CCDC192: variants seen among roughly 807,000 people sequenced by gnomAD.
CCDC192 encodes coiled-coil domain-containing protein 192.
At chr5:127,800,262 C>T (rs1580679827) in intron 5 of CCDC192, among the ~76,000 whole-genome samples, 1 of 149,916 alleles carries the variant, frequency 6.7e-6, no homozygotes. Context: ...TCTCCCACAG[C>T]AAGTTCCTTC....
chr5:127,719,290 A>G (rs1394856818), intron 2 of CCDC192, among the ~76,000 whole-genome samples: 3 of 151,622 alleles, frequency 2.0e-5, no homozygotes, highest in African/African-American at 4.8e-5. Context: ...TTCTTTTTCT[A>G]TTCATCCGTT....
chr5:127,807,530 T>A (rs947745406), intron 5 of CCDC192, among the ~76,000 whole-genome samples: 3 of 152,182 alleles, frequency 2.0e-5, no homozygotes, highest in African/African-American at 7.2e-5. Flanking sequence ...GCCTTCTGAG[T>A]ACTAGATTGT....
intron 5 of CCDC192, among the ~76,000 whole-genome samples, chr5:127,850,685 G>A (rs886520922): frequency 1.3e-4 from 20 of 152,206 alleles, no homozygotes. Context: ...GCAGCAGAGG[G>A]CCAGGTGCGG....
At chr5:127,793,328 G>C (rs1195577898) in intron 3 of CCDC192, among the ~76,000 whole-genome samples, 1 of 152,090 alleles carries the variant, frequency 6.6e-6, no homozygotes, top group Non-Finnish European at 1.5e-5. Flanking sequence ...CAAAAGGAGA[G>C]GAAATAAGGG....
intron 2 of CCDC192, among the ~76,000 whole-genome samples, chr5:127,712,088 C>T (rs114562386): frequency 0.01 from 1,546 of 152,146 alleles, 29 homozygotes; most frequent in African/African-American, 0.036. Flanking sequence ...TTTTTATAAA[C>T]GGAGACATAC....
chr5:127,858,864 G>A (rs1047852978), intron 5 of CCDC192, among the ~76,000 whole-genome samples: 5 of 152,126 alleles, frequency 3.3e-5, no homozygotes, highest in African/African-American at 1.2e-4. Flanking sequence ...CATAAGGCAA[G>A]AAAAACAGTA....
intron 6 of CCDC192, among the ~76,000 whole-genome samples, chr5:127,910,367 A>C (rs1232038201): frequency 6.6e-6 from 1 of 152,358 alleles, no homozygotes; most frequent in African/African-American, 2.4e-5. Context: ...TGGCTTCTTA[A>C]GTAAATTAAC....
At chr5:127,843,127 T>G (rs2127067715) in intron 5 of CCDC192, among the ~76,000 whole-genome samples, 1 of 138,416 alleles carries the variant, frequency 7.2e-6, no homozygotes, top group African/African-American at 2.7e-5. Context: ...CTCTGCCTCC[T>G]GGATTCTCAC....
chr5:127,875,087 G>A (rs1752019444), intron 5 of CCDC192, among the ~76,000 whole-genome samples: 1 of 152,076 alleles, frequency 6.6e-6, no homozygotes, highest in African/African-American at 2.4e-5. Context: ...TCACACTTTA[G>A]AGTGTATTTG....
At position 127,886,981 on chromosome 5, in the gene CCDC192, AG is replaced by A. The variant is rs376741273; in HGVS notation, c.535+11324del. Among the ~76,000 whole-genome samples, 167 of 152,328 alleles carry A rather than the reference AG, an allele frequency of 1.1e-3. 1 individual carries two copies. The highest frequency in any genetic ancestry group is 3.8e-3 in the African/African-American group (158 of 41,574). ...GAACAAGTACTTACAAGACAGATCAAGGGGATAAAACTTAGCTCTATAGAAT... is the reference window on the plus strand; with the variant it reads ...GAACAAGTACTTACAAGACAGATCAAGGGATAAAACTTAGCTCTATAGAAT... On this transcript the variant is annotated intron_variant, in intron 6 of 6. Coordinates refer to ENST00000514853, the MANE Select transcript of CCDC192 (RefSeq NM_001317938.2).
chr5:127,763,884 G>T (rs1277299409), intron 3 of CCDC192, among the ~76,000 whole-genome samples: 1 of 152,044 alleles, frequency 6.6e-6, no homozygotes, highest in African/African-American at 2.4e-5. Flanking sequence ...AACCCCAAGA[G>T]ACTTCTTTTC....
chr5:127,830,825 T>TA (rs1749760687), intron 5 of CCDC192, among the ~76,000 whole-genome samples: 1 of 151,182 alleles, frequency 6.6e-6, no homozygotes, highest in Non-Finnish European at 1.5e-5. Flanking sequence ...ACAAATGAAC[T>TA]AAAAAACGAA....
At chr5:127,935,685 T>G (rs911998212) in intron 6 of CCDC192, 114 of 152,264 alleles carry the variant, frequency 7.5e-4, no homozygotes, top group African/African-American at 2.7e-3. Flanking sequence ...CTGTCAGGTC[T>G]CTCTGTGACA....
intron 3 of CCDC192, among the ~76,000 whole-genome samples, chr5:127,771,384 C>CA (rs1755543730): frequency 6.6e-6 from 1 of 152,034 alleles, no homozygotes; most frequent in Admixed American, 6.6e-5. Context: ...AGTTCAATTA[C>CA]AAAAAATGAC....
At chr5:127,820,987 A>G (rs1425452216) in intron 5 of CCDC192, among the ~76,000 whole-genome samples, 1 of 152,108 alleles carries the variant, frequency 6.6e-6, no homozygotes, top group African/African-American at 2.4e-5. Context: ...CTTTTCAAAC[A>G]TCATTTTTTC....
chr5:127,703,393 T>G lies in CCDC192; in HGVS notation c.-53T>G. The G allele has an allele frequency of 2.5e-6, 1 of 398,976 alleles. No homozygotes were observed. The highest frequency in any genetic ancestry group is 4.4e-6 in the Non-Finnish European group (1 of 226,044). 24.7% of individuals were successfully genotyped at this position (398,976 alleles called of 1,614,324 possible). On this transcript the variant is annotated 5_prime_UTR_variant, in exon 1 of 7. The change abolishes an upstream ATG in the 5' untranslated region. Transcript: ENST00000514853. ...GGGATTCTAAAACTCTAAAGAATGA[T>G]GCCTGTTGACGTCTGTCCCAGGGAC...
chr5:127,709,251 T>C (rs1431250805), intron 2 of CCDC192, among the ~76,000 whole-genome samples: 1 of 108,378 alleles, frequency 9.2e-6, no homozygotes, highest in Non-Finnish European at 1.9e-5. Context: ...GAGAGAGAAA[T>C]GCTACACACT....
At chr5:127,850,981 CAACA>C (rs370271263) in intron 5 of CCDC192, among the ~76,000 whole-genome samples, 421 of 152,150 alleles carry the variant, frequency 2.8e-3, no homozygotes, top group African/African-American at 9.5e-3. Flanking sequence ...ACAACAACAA[CAACA>C]AACAAACAAA....
At chr5:127,792,078 A>G (rs764499516) in intron 3 of CCDC192, among the ~76,000 whole-genome samples, 12 of 152,154 alleles carry the variant, frequency 7.9e-5, no homozygotes, top group Non-Finnish European at 1.5e-4. Flanking sequence ...TTGGGAGGCC[A>G]AGTTTGGTGG....
Sources: allele counts gnomAD v4.1 joint callset (sites outside exome capture counted in the v4.1 genomes callset), GRCh38; gene constraint gnomAD v4.1.1; transcripts MANE v1.5; gene names NCBI Gene and HGNC (gene_info 2026-07-23, HGNC 2026-07-21).